PDE1C: variants seen among roughly 807,000 people sequenced by gnomAD.
PDE1C encodes the protein dual specificity calcium/calmodulin-dependent 3',5'-cyclic nucleotide phosphodiesterase 1C.
Under a neutral mutation model 93.1 loss-of-function variants are expected in PDE1C, and 62 were observed. The observed-to-expected ratio is 0.67, with a 90% CI of 0.54 to 0.82. PDE1C has a LOEUF of 0.82. Among genes scored for constraint, PDE1C ranks in the 40% least tolerant of loss-of-function variants. The pLI is 0.00. For synonymous variants in PDE1C, 325 were observed against 310.1 expected (o/e 1.05, Z -0.50); for missense variants, 742 against 884.6 (o/e 0.84, Z 2.04).
At chr7:32,121,513 C>G (rs1799299634) in intron 3 of PDE1C, among the ~76,000 whole-genome samples, 1 of 152,154 alleles carries the variant, frequency 6.6e-6, no homozygotes, top group Non-Finnish European at 1.5e-5. Context: ...GGAAGCCTAA[C>G]AGACTAACAA....
chr7:31,996,374 G>C (rs1320832714), intron 2 of PDE1C, among the ~76,000 whole-genome samples: 2 of 152,038 alleles, frequency 1.3e-5, no homozygotes, highest in African/African-American at 4.8e-5. Context: ...CAAGGCAGCA[G>C]CTCTGATATA....
At chr7:32,413,447 T>C (rs1785213522) in intron 1 of PDE1C, among the ~76,000 whole-genome samples, 1 of 152,212 alleles carries the variant, frequency 6.6e-6, no homozygotes, top group Non-Finnish European at 1.5e-5. Context: ...TTTGAGACAT[T>C]ATGCTAAGTG....
At chr7:31,854,058 A>G (rs950632029) in intron 7 of PDE1C, among the ~76,000 whole-genome samples, 6 of 151,970 alleles carry the variant, frequency 3.9e-5, no homozygotes, top group Non-Finnish European at 5.9e-5. Flanking sequence ...AAAAGTTCAT[A>G]TAGGATGTAC....
intron 1 of PDE1C, among the ~76,000 whole-genome samples, chr7:32,408,531 G>A (rs28541640): frequency 3.3e-5 from 5 of 152,178 alleles, no homozygotes; most frequent in East Asian, 1.9e-4. Flanking sequence ...TCTCATGCCT[G>A]TAATCCTAGC....
At chr7:32,056,087 T>C (rs1430149208) in intron 1 of PDE1C, among the ~76,000 whole-genome samples, 1 of 152,128 alleles carries the variant, frequency 6.6e-6, no homozygotes. Context: ...AACAACACAC[T>C]ACAAATCTCA....
intron 17 of PDE1C, among the ~76,000 whole-genome samples, chr7:31,755,415 C>T (rs1358592039): frequency 6.6e-6 from 1 of 152,162 alleles, no homozygotes; most frequent in Non-Finnish European, 1.5e-5. Flanking sequence ...GTCTCAGCAG[C>T]AATAAGCACA....
At chr7:31,774,554 C>G (rs934348502) in intron 17 of PDE1C, among the ~76,000 whole-genome samples, 2 of 152,176 alleles carry the variant, frequency 1.3e-5, no homozygotes, top group Non-Finnish European at 2.9e-5. Context: ...TCCGTACTTA[C>G]AGACTCAGAA....
chr7:32,002,688 C>T (rs531356759), intron 2 of PDE1C, among the ~76,000 whole-genome samples: 6 of 152,072 alleles, frequency 3.9e-5, no homozygotes, highest in African/African-American at 1.4e-4. Flanking sequence ...GAATTATGTG[C>T]CACCTCTTAT....
chr7:32,361,734 T>C (rs1158535920), intron 1 of PDE1C, among the ~76,000 whole-genome samples: 1 of 152,182 alleles, frequency 6.6e-6, no homozygotes, highest in African/African-American at 2.4e-5. Flanking sequence ...TGGCACTTTG[T>C]ACATCTCTTT....
chr7:31,750,676 T>A (rs1326228170), downstream of PDE1C, among the ~76,000 whole-genome samples: 1 of 152,228 alleles, frequency 6.6e-6, no homozygotes, highest in Non-Finnish European at 1.5e-5. Context: ...AGTGTCAGGA[T>A]TTAATTGTAA....
At chr7:32,120,172 C>T (rs916404846) in intron 3 of PDE1C, among the ~76,000 whole-genome samples, 6 of 152,204 alleles carry the variant, frequency 3.9e-5, no homozygotes, top group African/African-American at 9.6e-5. Context: ...TCCTTCCTCA[C>T]GGGGCAGGGC....
chr7:31,683,419 T>C, the PDE1C span, among the ~76,000 whole-genome samples: 2 of 63,936 alleles, frequency 3.1e-5, no homozygotes, highest in African/African-American at 8.0e-5. Context: ...AGATTAAATA[T>C]TTTCTATTTT....
chr7:32,375,941 G>C (rs1784425733), intron 1 of PDE1C, among the ~76,000 whole-genome samples: 1 of 152,152 alleles, frequency 6.6e-6, no homozygotes, highest in African/African-American at 2.4e-5. Flanking sequence ...AGATCCCTTT[G>C]AGGTCAGGAG....
chr7:32,007,767 C>A (rs1390525072), intron 2 of PDE1C, among the ~76,000 whole-genome samples: 1 of 152,146 alleles, frequency 6.6e-6, no homozygotes, highest in African/African-American at 2.4e-5. Context: ...AGCATGGAAA[C>A]TCAAATAAAT....
intron 7 of PDE1C, among the ~76,000 whole-genome samples, chr7:31,858,152 C>T (rs1228895671): frequency 6.6e-6 from 1 of 152,082 alleles, no homozygotes; most frequent in Admixed American, 6.6e-5. Flanking sequence ...AGAAAACAGA[C>T]AGGGAGAAAT....
chr7:31,842,036 G>T (rs1036824498), intron 9 of PDE1C, among the ~76,000 whole-genome samples: 1 of 152,076 alleles, frequency 6.6e-6, no homozygotes, highest in Non-Finnish European at 1.5e-5. Flanking sequence ...GCTTTACTCA[G>T]TCTACCCTCT....
At chr7:32,388,261 A>C (rs1296801364) in intron 1 of PDE1C, among the ~76,000 whole-genome samples, 1 of 152,186 alleles carries the variant, frequency 6.6e-6, no homozygotes, top group East Asian at 1.9e-4. Flanking sequence ...CTGGCATGAG[A>C]ATAAAAGAAA....
chr7:31,917,875 T>C (rs1336313862), intron 2 of PDE1C, among the ~76,000 whole-genome samples: 1 of 152,188 alleles, frequency 6.6e-6, no homozygotes, highest in African/African-American at 2.4e-5. Flanking sequence ...CTGTGAGAAA[T>C]AACATATTGA....
intron 15 of PDE1C, among the ~76,000 whole-genome samples, chr7:31,814,627 C>T (rs7787057): frequency 0.18 from 27,274 of 150,452 alleles, 2,563 homozygotes; most frequent in Middle Eastern, 0.28. Context: ...AGCTAGAACA[C>T]GGTTCTGAGT....
Sources: gnomAD v4.1 joint callset for allele counts (sites outside exome capture counted in the v4.1 genomes callset) on GRCh38, gnomAD v4.1.1 for gene constraint, MANE v1.5 for transcripts, NCBI Gene and HGNC (gene_info 2026-07-23, HGNC 2026-07-21) for gene names.